Variants in OTOGL observed in about 807,000 individuals in gnomAD.
OTOGL encodes otogelin like.
OTOGL carries 285 observed loss-of-function variants against 318.5 expected under a neutral mutation model. The observed-to-expected ratio is 0.89, with a 90% CI of 0.81 to 0.99. The LOEUF (loss-of-function observed/expected upper bound fraction) is 0.99. Among genes scored for constraint, OTOGL ranks in the 50% least tolerant of loss-of-function variants. The probability of loss-of-function intolerance (pLI) is 0.00; values close to 1 mark genes in which losing one functional copy is unlikely to be tolerated. For synonymous variants in OTOGL, 987 were observed against 936.5 expected (o/e 1.05, Z -0.99); for missense variants, 2,899 against 2,845.6 (o/e 1.02, Z -0.43).
intron 1 of OTOGL, among the ~76,000 whole-genome samples, chr12:80,124,341 T>G (rs935913371): frequency 1.3e-5 from 2 of 152,228 alleles, no homozygotes; most frequent in African/African-American, 4.8e-5. Context: ...GAAGATCAGA[T>G]AGTTGTAGAT....
intron 32 of OTOGL, among the ~76,000 whole-genome samples, chr12:80,315,162 A>G (rs1886890196): frequency 6.6e-6 from 1 of 152,202 alleles, no homozygotes; most frequent in Non-Finnish European, 1.5e-5. Context: ...TATCTATTAC[A>G]CAGCGTGGTG....
chr12:80,313,399 A>G lies in OTOGL; in HGVS notation c.3451-77A>G, dbSNP rs142644166. The G allele has an allele frequency of 7.2e-3, 9,973 of 1,387,452 alleles. 37 individuals are homozygous for G. Among genetic ancestry groups the G allele is most frequent in the Non-Finnish European group, 8.6e-3 (8,650 of 1,004,634 alleles). 85.9% of individuals were successfully genotyped at this position (1,387,452 alleles called of 1,614,324 possible). On this transcript the variant is annotated intron_variant, in intron 30 of 58. Coordinates refer to ENST00000547103, the MANE Select transcript of OTOGL (RefSeq NM_001378609.3). ...TGATAATATCAAACTTTGAAAACAC[A>G]TAGTTTTTTAGACGGTTGACTTTAA...
intron 28 of OTOGL, 22 bp from the exon 29 acceptor site, chr12:80,305,554 T>A: frequency 6.7e-7 from 1 of 1,501,328 alleles, no homozygotes; most frequent in Middle Eastern, 1.8e-4. Flanking sequence ...GAATATTTCC[T>A]GGTGATTTTC....
chr12:80,307,032 G>A (rs1455550455), intron 29 of OTOGL, among the ~76,000 whole-genome samples: 1 of 149,020 alleles, frequency 6.7e-6, no homozygotes, highest in Non-Finnish European at 1.5e-5. Flanking sequence ...CTGCCTTCAA[G>A]CATCTGTTTA....
chr12:80,361,973 T>A (rs1025623805), intron 52 of OTOGL, among the ~76,000 whole-genome samples: 1 of 152,202 alleles, frequency 6.6e-6, no homozygotes, highest in Non-Finnish European at 1.5e-5. Context: ...GTGCAGAAGC[T>A]TATTAGCTTG....
intron 26 of OTOGL, among the ~76,000 whole-genome samples, chr12:80,293,741 T>TA (rs574306372): frequency 1.1e-4 from 17 of 152,018 alleles, no homozygotes; most frequent in East Asian, 5.8e-4. Context: ...TGCAAAACAT[T>TA]AAAAAAAATC....
chr12:80,312,364 T>A (rs1479453346), intron 30 of OTOGL, among the ~76,000 whole-genome samples: 2 of 151,970 alleles, frequency 1.3e-5, no homozygotes, highest in African/African-American at 4.9e-5. Flanking sequence ...AGTGCACTCT[T>A]TTCACTATTT....
intron 1 of OTOGL, among the ~76,000 whole-genome samples, chr12:80,176,531 C>T (rs1874539922): frequency 6.6e-6 from 1 of 151,936 alleles, no homozygotes; most frequent in African/African-American, 2.4e-5. Context: ...TGTCTTTTTT[C>T]ACTCAATATA....
chr12:80,238,543 A>G lies in OTOGL; in HGVS notation c.818-308A>G, dbSNP rs931175790. On this transcript the variant is annotated intron_variant, in intron 9 of 58. Transcript: ENST00000547103. ...CTCCTTTCAACAGCACTGATTGAACATTGGCGATAAATGCTTCACTGGTGT... is the reference window on the plus strand; with the variant it reads ...CTCCTTTCAACAGCACTGATTGAACGTTGGCGATAAATGCTTCACTGGTGT... 3.3e-5 allele frequency among the ~76,000 whole-genome samples: 5 copies of G among 152,294 alleles called. No individual in the cohort carries two copies. In the East Asian group the frequency reaches 9.6e-4, roughly 29 times the overall value.
At chr12:80,147,479 G>A (rs899366134) in intron 1 of OTOGL, among the ~76,000 whole-genome samples, 1 of 151,286 alleles carries the variant, frequency 6.6e-6, no homozygotes. Flanking sequence ...TTCCAAGTAT[G>A]TGGTCAATTT....
intron 1 of OTOGL, among the ~76,000 whole-genome samples, chr12:80,150,257 T>C (rs941783881): frequency 6.6e-6 from 1 of 152,242 alleles, no homozygotes; most frequent in African/African-American, 2.4e-5. Context: ...AGAATTATAT[T>C]TGTCCTCTAT....
chr12:80,260,564 A>G (rs1211457916), intron 18 of OTOGL, among the ~76,000 whole-genome samples: 1 of 152,184 alleles, frequency 6.6e-6, no homozygotes, highest in Non-Finnish European at 1.5e-5. Flanking sequence ...TAAGTAGTTA[A>G]AACTCTTTCT....
chr12:80,232,908 A>G lies in OTOGL; in HGVS notation c.628A>G (p.Thr210Ala), dbSNP rs773608020. ...KNGISLTLPQ[T>A]IGQIFIEKLA... ...TTTTTCAAGTTTAACATTGCCTCAG[A>G]CAATTGGACAGATTTTCATTGAGAA... Residue 210 changes from threonine to alanine, a missense_variant, in exon 9 of 59, where the codon ACA becomes GCA. This residue lies in a region of OTOGL where 2,607 missense variants were observed against 2,524.9 expected (regional missense o/e 1.03). Coordinates refer to ENST00000547103, the MANE Select transcript of OTOGL (RefSeq NM_001378609.3). 1 of 1,598,390 alleles carries G rather than the reference A, an allele frequency of 6.3e-7. No individual in the cohort carries two copies. The highest frequency in any genetic ancestry group is 1.1e-5 in the South Asian group (1 of 91,032).
chr12:80,191,745 G>A (rs534466830), intron 1 of OTOGL, among the ~76,000 whole-genome samples: 5 of 152,282 alleles, frequency 3.3e-5, no homozygotes, highest in African/African-American at 1.2e-4. Context: ...GATGGCTGGG[G>A]ATCAGCAAGC....
At chr12:80,189,078 C>T (rs1875500246) in intron 1 of OTOGL, among the ~76,000 whole-genome samples, 1 of 152,110 alleles carries the variant, frequency 6.6e-6, no homozygotes, top group South Asian at 2.1e-4. Flanking sequence ...AAGTCTACTC[C>T]ACCATTTTTT....
intron 1 of OTOGL, among the ~76,000 whole-genome samples, chr12:80,179,493 T>C (rs1174591405): frequency 6.6e-6 from 1 of 152,176 alleles, no homozygotes; most frequent in Non-Finnish European, 1.5e-5. Context: ...CTTCAAGTAA[T>C]GTTTCAAACT....
chr12:80,190,782 GTC>G (rs1371649806), intron 1 of OTOGL, among the ~76,000 whole-genome samples: 1 of 81,558 alleles, frequency 1.2e-5, no homozygotes, highest in Non-Finnish European at 2.3e-5. Context: ...GTGAGACTCC[GTC>G]TCAAAAAAAA....
At chr12:80,210,655 T>C (rs1877177224) in intron 2 of OTOGL, among the ~76,000 whole-genome samples, 192 bp from the exon 3 acceptor site, 1 of 152,188 alleles carries the variant, frequency 6.6e-6, no homozygotes, top group Admixed American at 6.6e-5. Context: ...CTGCCCTTTC[T>C]TTTTAGCTTA....
chr12:80,303,919 A>G (rs1025027391), intron 28 of OTOGL, among the ~76,000 whole-genome samples: 8 of 152,170 alleles, frequency 5.3e-5, no homozygotes, highest in Non-Finnish European at 8.8e-5. Context: ...ATCCATCACA[A>G]CAGTTCTACA....
Sources: allele counts gnomAD v4.1 joint callset (sites outside exome capture counted in the v4.1 genomes callset), GRCh38; gene constraint gnomAD v4.1.1; regional missense constraint gnomAD v4.1.1; transcripts MANE v1.5; gene names NCBI Gene and HGNC (gene_info 2026-07-23, HGNC 2026-07-21).